TPRG1: variants seen among roughly 807,000 people sequenced by gnomAD.
TPRG1 encodes the protein tumor protein p63-regulated gene 1 protein.
A neutral mutation model predicts 29.3 loss-of-function variants in TPRG1; 29 were observed. That is an observed-to-expected ratio of 0.99 (90% CI 0.74 to 1.35). The LOEUF (loss-of-function observed/expected upper bound fraction) is 1.35, where lower values mean the gene tolerates loss of function less well. Among genes scored for constraint, TPRG1 ranks in the 40% most tolerant of loss-of-function variants. The probability of loss-of-function intolerance (pLI) is 0.00; values close to 1 mark genes in which losing one functional copy is unlikely to be tolerated. For missense variants in TPRG1, 327 were observed against 335.0 expected (o/e 0.98, Z 0.19); for synonymous variants, 130 against 116.8 (o/e 1.11, Z -0.73).
At chr3:189,124,738 A>G (rs1360331212) in intron 1 of TPRG1, among the ~76,000 whole-genome samples, 9 of 152,166 alleles carry the variant, frequency 5.9e-5, no homozygotes, top group Non-Finnish European at 1.2e-4. Flanking sequence ...AAAAATAGTA[A>G]TCTTTATTTT....
intron 4 of TPRG1, among the ~76,000 whole-genome samples, chr3:189,078,093 CTT>C (rs1229454974): frequency 1.7e-4 from 5 of 28,792 alleles, no homozygotes; most frequent in Non-Finnish European, 6.4e-4. Flanking sequence ...CTCTTTCTCT[CTT>C]TCTTTCTTTC....
chr3:189,019,140 AT>A (rs1184231332), intron 3 of TPRG1, among the ~76,000 whole-genome samples: 2 of 151,070 alleles, frequency 1.3e-5, no homozygotes, highest in Non-Finnish European at 3.0e-5. Context: ...GGCTGAGACA[AT>A]GGGGTTTTCT....
chr3:189,074,881 C>T (rs28658424), intron 4 of TPRG1, among the ~76,000 whole-genome samples: 4 of 151,630 alleles, frequency 2.6e-5, no homozygotes, highest in Admixed American at 6.6e-5. Context: ...GCGCGATCTC[C>T]GCTCACTGCA....
intron 1 of TPRG1, among the ~76,000 whole-genome samples, chr3:189,105,228 T>A (rs1719675724): frequency 6.6e-6 from 1 of 152,096 alleles, no homozygotes; most frequent in Non-Finnish European, 1.5e-5. Flanking sequence ...CCTAAATCTT[T>A]CGTTAAGGAG....
chr3:189,318,417 G>T (rs1723891446), intron 5 of TPRG1, among the ~76,000 whole-genome samples: 1 of 152,126 alleles, frequency 6.6e-6, no homozygotes, highest in Admixed American at 6.6e-5. Context: ...AAGGCATTGT[G>T]GAAGATACAG....
intron 3 of TPRG1, among the ~76,000 whole-genome samples, chr3:189,008,077 AC>A (rs532921587): frequency 3.6e-3 from 195 of 54,556 alleles, no homozygotes; most frequent in Middle Eastern, 0.02. Context: ...AAAAAAAAAA[AC>A]GTTCTAGAAA....
intron 4 of TPRG1, among the ~76,000 whole-genome samples, chr3:189,072,908 C>G (rs58312166): frequency 6.6e-6 from 1 of 152,146 alleles, no homozygotes; most frequent in Admixed American, 6.5e-5. Context: ...TCCCAGATAT[C>G]AAAGTGGGAG....
At chr3:189,304,942 C>G (rs1430112331) in intron 4 of TPRG1, among the ~76,000 whole-genome samples, 1 of 152,140 alleles carries the variant, frequency 6.6e-6, no homozygotes, top group Non-Finnish European at 1.5e-5. Flanking sequence ...ACACGCCCTG[C>G]GTTTAGAGCA....
chr3:189,223,563 ACAGT>A (rs1216744626), intron 3 of TPRG1, among the ~76,000 whole-genome samples: 1 of 152,210 alleles, frequency 6.6e-6, no homozygotes, highest in African/African-American at 2.4e-5. Context: ...CTTAGTTGCT[ACAGT>A]CACAAATGTA....
At chr3:189,293,358 T>C (rs1719332624) in intron 4 of TPRG1, among the ~76,000 whole-genome samples, 1 of 152,140 alleles carries the variant, frequency 6.6e-6, no homozygotes, top group Non-Finnish European at 1.5e-5. Flanking sequence ...AGCCACTTTC[T>C]TCTTTCCTCC....
At chr3:189,163,486 A>C (rs1161157282) in intron 5 of TPRG1, among the ~76,000 whole-genome samples, 1 of 152,218 alleles carries the variant, frequency 6.6e-6, no homozygotes, top group Non-Finnish European at 1.5e-5. Context: ...ACATTTAAAA[A>C]TGTCAAGCTT....
chr3:189,057,749 C>CATATATATATATAT lies in TPRG1; in HGVS notation c.-463+33805_-463+33818dup, dbSNP rs370520919. On this transcript the variant is annotated intron_variant, in intron 4 of 10. Coordinates refer to the TPRG1 transcript ENST00000433971. ...TCATATTTCTATTAGTATATATATA[C>CATATATATATATAT]ATATATATATATATACACACACATA... Among the ~76,000 whole-genome samples, 13 of 141,850 alleles carry CATATATATATATAT rather than the reference C, an allele frequency of 9.2e-5. No homozygotes were observed. In the South Asian group the frequency reaches 1.1e-3, roughly 12 times the overall value. The allele number at this position is 141,850 out of a possible 152,430, so 93.1% of individuals were successfully genotyped here.
chr3:189,056,061 C>CTTCCTTCCTTCCTTCCTTCT (rs1715665418), intron 4 of TPRG1, among the ~76,000 whole-genome samples: 1 of 130,920 alleles, frequency 7.6e-6, no homozygotes, highest in African/African-American at 2.8e-5. Context: ...TCCTTCCTTC[C>CTTCCTTCCTTCCTTCCTTCT]TTCCTTCCTT....
chr3:189,319,133 C>A (rs1723991427), intron 5 of TPRG1, among the ~76,000 whole-genome samples: 2 of 152,174 alleles, frequency 1.3e-5, no homozygotes, highest in African/African-American at 4.8e-5. Flanking sequence ...AATTCCTACT[C>A]TCTGTCCCAT....
At chr3:189,173,674 G>A (rs1421198806) in intron 1 of TPRG1, among the ~76,000 whole-genome samples, 2 of 152,022 alleles carry the variant, frequency 1.3e-5, no homozygotes, top group Non-Finnish European at 2.9e-5. Context: ...ATATGCACAA[G>A]TCACACAGCC....
At chr3:189,150,160 G>A (rs1725746330) in intron 4 of TPRG1, among the ~76,000 whole-genome samples, 2 of 152,124 alleles carry the variant, frequency 1.3e-5, no homozygotes, top group African/African-American at 2.4e-5. Context: ...AAGTGGAAGT[G>A]ACTTGGTGAA....
intron 5 of TPRG1, among the ~76,000 whole-genome samples, chr3:189,311,584 A>G (rs1722495546): frequency 6.6e-6 from 1 of 152,160 alleles, no homozygotes; most frequent in Admixed American, 6.5e-5. Flanking sequence ...TTCCCCCATA[A>G]TACATAGATG....
At chr3:189,251,040 C>CCTTT (rs1438323898) in intron 4 of TPRG1, among the ~76,000 whole-genome samples, 1 of 152,056 alleles carries the variant, frequency 6.6e-6, no homozygotes, top group Non-Finnish European at 1.5e-5. Flanking sequence ...TCCTCCCTCT[C>CCTTT]CTTTACTTGC....
intron 2 of TPRG1, among the ~76,000 whole-genome samples, chr3:189,129,070 A>G (rs1465651622): frequency 6.6e-6 from 1 of 152,264 alleles, no homozygotes; most frequent in Non-Finnish European, 1.5e-5. Flanking sequence ...TTAAAAACTA[A>G]GAAATTAACT....
Sources: gnomAD v4.1 joint callset for allele counts (sites outside exome capture counted in the v4.1 genomes callset) on GRCh38, gnomAD v4.1.1 for gene constraint, MANE v1.5 for transcripts, NCBI Gene and HGNC (gene_info 2026-07-23, HGNC 2026-07-21) for gene names.